LIN7A: variants seen among roughly 807,000 people sequenced by gnomAD.
LIN7A encodes the protein lin-7 cell polarity scaffold A, also known as protein lin-7 homolog A.
A neutral mutation model predicts 29.8 loss-of-function variants in LIN7A; 25 were observed. That is an observed-to-expected ratio of 0.84 (90% CI 0.61 to 1.17). LIN7A has a LOEUF of 1.17. Among genes scored for constraint, LIN7A ranks in the 50% most tolerant of loss-of-function variants. The pLI is 0.00. For missense variants in LIN7A, 239 were observed against 287.0 expected (o/e 0.83, Z 1.21); for synonymous variants, 118 against 107.5 (o/e 1.10, Z -0.60).
At chr12:80,880,676 C>T (rs1874974585) in intron 2 of LIN7A, among the ~76,000 whole-genome samples, 1 of 151,668 alleles carries the variant, frequency 6.6e-6, no homozygotes, top group Non-Finnish European at 1.5e-5. Context: ...ATATGTACTC[C>T]ATATGTACTT....
At chr12:80,885,349 G>A (rs753358940) in intron 2 of LIN7A, among the ~76,000 whole-genome samples, 2 of 151,928 alleles carry the variant, frequency 1.3e-5, no homozygotes, top group Admixed American at 6.6e-5. Flanking sequence ...TGAGAATATC[G>A]GTACCATAAA....
intron 2 of LIN7A, among the ~76,000 whole-genome samples, chr12:80,865,564 A>C (rs1433594824): frequency 2.0e-5 from 3 of 152,208 alleles, no homozygotes; most frequent in African/African-American, 7.2e-5. Flanking sequence ...ACAACAATGT[A>C]GTGTGATCAC....
At chr12:80,816,080 T>C (rs897691010) in intron 4 of LIN7A, among the ~76,000 whole-genome samples, 3 of 152,190 alleles carry the variant, frequency 2.0e-5, no homozygotes, top group Non-Finnish European at 2.9e-5. Context: ...TATCTTTAGC[T>C]GATAAATCTT....
chr12:80,866,735 A>G (rs1882172), intron 2 of LIN7A, among the ~76,000 whole-genome samples: 51,494 of 152,026 alleles, frequency 0.34, 10,235 homozygotes, highest in African/African-American at 0.56. Context: ...AAAAACTAAT[A>G]ACATGAAAGT....
intron 4 of LIN7A, chr12:80,841,927 G>A: frequency 1.9e-6 from 2 of 1,056,188 alleles, no homozygotes; most frequent in Non-Finnish European, 2.3e-6. Flanking sequence ...TCAGTTGTAA[G>A]GTTTCACTGA....
At chr12:80,910,414 G>C (rs1444098728) in intron 1 of LIN7A, among the ~76,000 whole-genome samples, 1 of 152,084 alleles carries the variant, frequency 6.6e-6, no homozygotes, top group African/African-American at 2.4e-5. Context: ...CTCATAAAAT[G>C]CTAAGTAGAA....
chr12:80,822,343 A>G (rs1307043198), intron 4 of LIN7A, among the ~76,000 whole-genome samples: 1 of 152,080 alleles, frequency 6.6e-6, no homozygotes, highest in Non-Finnish European at 1.5e-5. Flanking sequence ...GGATCACCTG[A>G]GGTCAGGAGT....
At chr12:80,879,625 G>A (rs1256885832) in intron 2 of LIN7A, among the ~76,000 whole-genome samples, 2 of 119,590 alleles carry the variant, frequency 1.7e-5, no homozygotes, top group Non-Finnish European at 3.3e-5. Context: ...GGATAGCCCT[G>A]CTGTGTCTAT....
intron 3 of LIN7A, among the ~76,000 whole-genome samples, 173 bp from the exon 4 acceptor site, chr12:80,846,112 T>C (rs1448186637): frequency 2.0e-5 from 3 of 152,186 alleles, no homozygotes; most frequent in Non-Finnish European, 2.9e-5. Flanking sequence ...CCATCTAGGA[T>C]TTCTTTCTTT....
At chr12:80,864,212 T>C (rs1392715659) in intron 2 of LIN7A, among the ~76,000 whole-genome samples, 5 of 152,160 alleles carry the variant, frequency 3.3e-5, no homozygotes, top group Non-Finnish European at 5.9e-5. Flanking sequence ...TAAGATGACA[T>C]GGCAAATCAA....
rs993564353 is a variant in LIN7A at position 80,889,350 on chromosome 12, T to C, written c.102A>G (p.Glu34=). 7.5e-6 allele frequency: 12 copies of C among 1,608,776 alleles called. No homozygotes were observed. Among genetic ancestry groups the C allele is most frequent in the Non-Finnish European group, 8.5e-6 (10 of 1,175,792 alleles). The change falls in exon 2 of 6, where the codon GAA becomes GAG. Residue 34 remains glutamate, a synonymous_variant. Transcript: ENST00000552864. ...TLDRDVARAI[E]LLEKLQESGE... Reference sequence around the variant, plus strand: ...CAGATTCCTGTAGTTTTTCCAGTAATTCAATTGCTCTTGCAACATCTGAAT... The same window carrying C: ...CAGATTCCTGTAGTTTTTCCAGTAACTCAATTGCTCTTGCAACATCTGAAT...
chr12:80,811,665 G>A lies in LIN7A; in HGVS notation c.502C>T (p.His168Tyr), dbSNP rs1871300683. Residue 168 changes from histidine (H) to tyrosine (Y), a missense_variant, in exon 5 of 6, where the codon CAT becomes TAT. By Grantham distance (83) the His-to-Tyr change is moderately conservative (BLOSUM62 2). Transcript: ENST00000552864. ...VNGVSVEGEH[H>Y]EKAVELLKAA... ...TTGAGTAGTTCCACAGCTTTCTCAT[G>A]GTGTTCTCCTTCCACACTCTGAAAA... 6.2e-7 allele frequency: 1 copy of A among 1,610,736 alleles called. No individual in the cohort carries two copies. The highest frequency in any genetic ancestry group is 1.7e-5 in the Admixed American group (1 of 59,942).
intron 4 of LIN7A, among the ~76,000 whole-genome samples, chr12:80,828,798 T>TGG (rs924453447): frequency 3.3e-5 from 5 of 151,318 alleles, no homozygotes; most frequent in African/African-American, 1.2e-4. Context: ...TAAATAAATG[T>TGG]GGGGTGTGTG....
rs747475660 is a variant in LIN7A at position 80,937,744 on chromosome 12, A to T, written c.-22T>A. The T allele has an allele frequency of 1.4e-5, 20 of 1,438,156 alleles. No individual in the cohort carries two copies. Among genetic ancestry groups the T allele is most frequent in the Non-Finnish European group, 1.9e-5 (20 of 1,076,874 alleles). The allele number at this position is 1,438,156 out of a possible 1,614,324, so 89.1% of individuals were successfully genotyped here. A position where few individuals can be genotyped will look rare whatever the true frequency, so the allele number is the denominator to read the frequency against. ...GCATCAGCAACCGCTCGTAGTGAGAAAAAAAGGAGGAGATTGGGGGCGGGG... is the reference window on the plus strand; with the variant it reads ...GCATCAGCAACCGCTCGTAGTGAGATAAAAAGGAGGAGATTGGGGGCGGGG... On this transcript the variant is annotated 5_prime_UTR_variant, in exon 1 of 6. Coordinates refer to ENST00000552864, the MANE Select transcript of LIN7A (RefSeq NM_004664.4).
chr12:80,828,262 A>C (rs542105583), intron 4 of LIN7A, among the ~76,000 whole-genome samples: 1 of 152,298 alleles, frequency 6.6e-6, no homozygotes, highest in African/African-American at 2.4e-5. Context: ...TCATATACAT[A>C]AAGATTTTCA....
intron 5 of LIN7A, among the ~76,000 whole-genome samples, chr12:80,800,511 A>G (rs1870670745): frequency 6.8e-6 from 1 of 147,092 alleles, no homozygotes; most frequent in Non-Finnish European, 1.5e-5. Context: ...AAAAAAAAAA[A>G]AAAAAAAAGA....
chr12:80,901,716 C>A (rs1161658969), intron 1 of LIN7A, among the ~76,000 whole-genome samples: 1 of 139,704 alleles, frequency 7.2e-6, no homozygotes, highest in African/African-American at 2.6e-5. Context: ...TCCTCAAATA[C>A]ATCCTATACT....
intron 2 of LIN7A, among the ~76,000 whole-genome samples, chr12:80,854,131 A>C (rs929305225): frequency 6.6e-6 from 1 of 151,936 alleles, no homozygotes; most frequent in Non-Finnish European, 1.5e-5. Flanking sequence ...CAAGATAAAG[A>C]AAAAGTTATA....
intron 1 of LIN7A, among the ~76,000 whole-genome samples, chr12:80,924,322 C>A (rs1042082460): frequency 6.6e-6 from 1 of 152,160 alleles, no homozygotes; most frequent in Non-Finnish European, 1.5e-5. Context: ...GGCAGAACTG[C>A]AATTCAAATC....
Sources: gnomAD v4.1 joint callset for allele counts (sites outside exome capture counted in the v4.1 genomes callset) on GRCh38, gnomAD v4.1.1 for gene constraint, MANE v1.5 for transcripts, NCBI Gene and HGNC (gene_info 2026-07-23, HGNC 2026-07-21) for gene names.